The following CEP128 variants were observed in gnomAD, a reference collection of about 807,000 sequenced individuals.
CEP128 encodes the protein centrosomal protein 128kDa.
A neutral mutation model predicts 156.7 loss-of-function variants in CEP128; 132 were observed. The observed-to-expected ratio is 0.84, with a 90% CI of 0.73 to 0.97. CEP128 has a LOEUF of 0.97. Ranked by LOEUF, CEP128 falls within the 50% of genes least tolerant of loss-of-function variation. The pLI is 0.00. For missense variants in CEP128, 1,252 were observed against 1,281.9 expected (o/e 0.98, Z 0.36); for synonymous variants, 469 against 448.9 (o/e 1.04, Z -0.57).
chr14:80,551,697 G>A (rs1192464851), intron 21 of CEP128, among the ~76,000 whole-genome samples: 1 of 152,084 alleles, frequency 6.6e-6, no homozygotes, highest in Non-Finnish European at 1.5e-5. Context: ...TTGATTTCTG[G>A]AGCTATACAC....
At chr14:80,584,106 G>A (rs999915749) in intron 19 of CEP128, among the ~76,000 whole-genome samples, 2 of 147,894 alleles carry the variant, frequency 1.4e-5, no homozygotes, top group African/African-American at 2.5e-5. Context: ...CTTCTGACCT[G>A]CTTTAAAAGT....
intron 8 of CEP128, among the ~76,000 whole-genome samples, chr14:80,871,982 T>C (rs1238982632): frequency 6.6e-6 from 1 of 152,180 alleles, no homozygotes; most frequent in African/African-American, 2.4e-5. Context: ...AAATATGTTA[T>C]ATATCCTGCT....
intron 13 of CEP128, among the ~76,000 whole-genome samples, chr14:80,828,772 T>A (rs1885624538): frequency 6.6e-6 from 1 of 152,132 alleles, no homozygotes. Flanking sequence ...AGAAACACAT[T>A]AATGATTGAA....
At chr14:80,577,831 T>C (rs1474517301) in intron 20 of CEP128, among the ~76,000 whole-genome samples, 1 of 152,196 alleles carries the variant, frequency 6.6e-6, no homozygotes, top group Non-Finnish European at 1.5e-5. Context: ...AAAATTCTTG[T>C]TTTGCTGCCC....
chr14:80,653,101 C>G (rs1894978645), intron 19 of CEP128, among the ~76,000 whole-genome samples: 1 of 152,276 alleles, frequency 6.6e-6, no homozygotes, highest in Middle Eastern at 3.4e-3. Context: ...GAAAACCTAA[C>G]ATCACATGTT....
At chr14:80,729,881 G>C (rs1445176538) in intron 19 of CEP128, among the ~76,000 whole-genome samples, 1 of 152,152 alleles carries the variant, frequency 6.6e-6, no homozygotes, top group Non-Finnish European at 1.5e-5. Context: ...GGTGTGTTTA[G>C]GGAATATCTC....
intron 16 of CEP128, among the ~76,000 whole-genome samples, chr14:80,763,264 A>G (rs1414532590): frequency 1.3e-5 from 2 of 152,180 alleles, no homozygotes; most frequent in Non-Finnish European, 2.9e-5. Context: ...ATTTGCATGG[A>G]GGGTGCTGAG....
At chr14:80,683,922 A>G (rs1191663289) in intron 19 of CEP128, among the ~76,000 whole-genome samples, 1 of 152,140 alleles carries the variant, frequency 6.6e-6, no homozygotes, top group Non-Finnish European at 1.5e-5. Flanking sequence ...ACAACATACC[A>G]AAACCTCTGA....
chr14:80,552,872 T>C (rs1890266386), intron 21 of CEP128, among the ~76,000 whole-genome samples: 1 of 152,136 alleles, frequency 6.6e-6, no homozygotes, highest in African/African-American at 2.4e-5. Flanking sequence ...TTATGTTGTA[T>C]TTTTATTTGG....
At chr14:80,590,217 C>T (rs768408237) in intron 19 of CEP128, among the ~76,000 whole-genome samples, 1 of 151,994 alleles carries the variant, frequency 6.6e-6, no homozygotes, top group African/African-American at 2.4e-5. Context: ...TGAAAATTTC[C>T]AAATTTTCAT....
At chr14:80,886,351 A>C (rs1888798203) in intron 8 of CEP128, among the ~76,000 whole-genome samples, 1 of 152,210 alleles carries the variant, frequency 6.6e-6, no homozygotes, top group South Asian at 2.1e-4. Context: ...GGTTGAAATG[A>C]AGGAAAAAAT....
intron 13 of CEP128, among the ~76,000 whole-genome samples, chr14:80,800,455 C>A (rs1049001001): frequency 6.6e-6 from 1 of 152,178 alleles, no homozygotes; most frequent in African/African-American, 2.4e-5. Context: ...GAAGAGTGAT[C>A]AATCCAAGAT....
chr14:80,773,788 A>G (rs1900643212), intron 16 of CEP128, among the ~76,000 whole-genome samples: 2 of 152,200 alleles, frequency 1.3e-5, no homozygotes, highest in Admixed American at 6.5e-5. Context: ...CAAAAGATTA[A>G]TATCAGTAAG....
intron 20 of CEP128, among the ~76,000 whole-genome samples, chr14:80,559,707 C>T (rs932365838): frequency 6.6e-5 from 10 of 152,052 alleles, no homozygotes; most frequent in East Asian, 1.9e-4. Flanking sequence ...AGGTTTACAG[C>T]GAAAAATGTG....
intron 13 of CEP128, among the ~76,000 whole-genome samples, chr14:80,806,341 T>C (rs1044519940): frequency 6.6e-6 from 1 of 152,182 alleles, no homozygotes; most frequent in Non-Finnish European, 1.5e-5. Context: ...AGAAATAAAA[T>C]ATTAACTTCT....
At chr14:80,719,934 T>C (rs527465575) in intron 19 of CEP128, among the ~76,000 whole-genome samples, 2 of 152,242 alleles carry the variant, frequency 1.3e-5, no homozygotes, top group East Asian at 3.9e-4. Flanking sequence ...CATGAGCATA[T>C]ATATGCAAAT....
intron 19 of CEP128, among the ~76,000 whole-genome samples, chr14:80,699,788 T>TCTA (rs1472114713): frequency 2.0e-5 from 3 of 152,178 alleles, no homozygotes; most frequent in Admixed American, 6.6e-5. Flanking sequence ...TAAACCTTCT[T>TCTA]CTACAAGACT....
At chr14:80,514,398 G>C (rs1374378510) in intron 23 of CEP128, among the ~76,000 whole-genome samples, 1 of 151,696 alleles carries the variant, frequency 6.6e-6, no homozygotes, top group Non-Finnish European at 1.5e-5. Context: ...GATCTTATAG[G>C]TGTACTTCAT....
At chr14:80,696,994 G>A (rs1012233909) in intron 19 of CEP128, among the ~76,000 whole-genome samples, 8 of 152,082 alleles carry the variant, frequency 5.3e-5, no homozygotes, top group African/African-American at 1.9e-4. Context: ...GAGGTTAAGA[G>A]GTAATGCTTA....
Sources: gnomAD v4.1 joint callset for allele counts (sites outside exome capture counted in the v4.1 genomes callset) on GRCh38, gnomAD v4.1.1 for gene constraint, MANE v1.5 for transcripts, NCBI Gene and HGNC (gene_info 2026-07-23, HGNC 2026-07-21) for gene names.